The following RCBTB2 variants were observed in gnomAD, a reference collection of about 807,000 sequenced individuals.
RCBTB2 encodes the protein RCC1 and BTB domain-containing protein 2.
A neutral mutation model predicts 65.4 loss-of-function variants in RCBTB2; 55 were observed. That is an observed-to-expected ratio of 0.84 (90% confidence interval 0.68 to 1.05). RCBTB2 has a LOEUF of 1.05. Among genes scored for constraint, RCBTB2 ranks in the 50% least tolerant of loss-of-function variants. The pLI, the probability that RCBTB2 is intolerant of heterozygous loss-of-function variation, is 0.00. For synonymous variants in RCBTB2, 220 were observed against 255.2 expected (o/e 0.86, Z 1.31); for missense variants, 599 against 680.1 (o/e 0.88, Z 1.33).
chr13:48,503,451 C>T (rs1250505504), intron 10 of RCBTB2, among the ~76,000 whole-genome samples: 1 of 151,938 alleles, frequency 6.6e-6, no homozygotes, highest in Non-Finnish European at 1.5e-5. Flanking sequence ...GGCTGTATGA[C>T]CTGGAGCCCA....
Position 48,501,592 on chromosome 13 carries a change from A to G in RCBTB2, c.1244+150T>C, listed in dbSNP as rs9332047. On this transcript the variant is annotated intron_variant, in intron 12 of 14. Transcript: ENST00000344532. ...ACCTGTGTTATTTCTTGTTTCATGT[A>G]TATTTCTCCCCGCTCCACTGTATGC... 2,157 of 624,660 alleles carry G rather than the reference A, an allele frequency of 3.5e-3. 31 individuals are homozygous for G. The African/African-American group carries it at 0.036, about 11-fold the overall frequency. 38.7% of individuals were successfully genotyped at this position (624,660 alleles called of 1,614,324 possible). A position where few individuals can be genotyped will look rare whatever the true frequency, so the allele number is the denominator to read the frequency against.
At chr13:48,535,255 C>CTTTT (rs563743014), upstream of RCBTB2, among the ~76,000 whole-genome samples, 1 of 136,306 alleles carries the variant, frequency 7.3e-6, no homozygotes, top group East Asian at 2.1e-4. Context: ...TATTCATCCT[C>CTTTT]TTTTTTTTTT....
At position 48,512,880 on chromosome 13, in the gene RCBTB2, G is replaced by A; in HGVS notation, c.365C>T (p.Thr122Ile). Residue 122 changes from threonine to isoleucine, a missense_variant, in exon 7 of 15, where the codon ACC (threonine) becomes ATC (isoleucine). Physicochemically the swap from Thr to Ile is moderately conservative, Grantham distance 89. Transcript: ENST00000344532. The stretch of plus-strand genomic sequence containing the variant: ...CTGGCTATAAGCATTATGACCCCAG[G>A]TAAAGACTTCTCCTTCTGAAAATAA... ...VLATTEGEVF[T>I]WGHNAYSQLG... 1.2e-6 allele frequency: 2 copies of A among 1,608,524 alleles called. No homozygotes were observed. The highest frequency in any genetic ancestry group is 4.5e-5 in the East Asian group (2 of 44,832).
intron 4 of RCBTB2, among the ~76,000 whole-genome samples, chr13:48,519,839 G>T (rs779053097): frequency 1.4e-4 from 21 of 152,150 alleles, no homozygotes; most frequent in Non-Finnish European, 2.5e-4. Flanking sequence ...ATAGGGAACT[G>T]ATGACTAAAT....
chr13:48,535,394 G>A (rs1191308512), upstream of RCBTB2, among the ~76,000 whole-genome samples: 1 of 151,794 alleles, frequency 6.6e-6, no homozygotes, highest in Non-Finnish European at 1.5e-5. Context: ...TAGTTGGAAC[G>A]GCAGGTGTGT....
chr13:48,533,499 C>G (rs1952296787), upstream of RCBTB2, among the ~76,000 whole-genome samples: 1 of 152,250 alleles, frequency 6.6e-6, no homozygotes. Context: ...TCTTCTATTG[C>G]TGGCCCCTCT....
intron 1 of RCBTB2, among the ~76,000 whole-genome samples, chr13:48,528,232 G>A (rs1227990606): frequency 6.6e-6 from 1 of 152,098 alleles, no homozygotes; most frequent in Non-Finnish European, 1.5e-5. Flanking sequence ...CTGACATTTT[G>A]CAGTTAATCA....
At chr13:48,528,147 G>A (rs980325830) in intron 1 of RCBTB2, among the ~76,000 whole-genome samples, 4 of 152,120 alleles carry the variant, frequency 2.6e-5, no homozygotes, top group Non-Finnish European at 4.4e-5. Context: ...ACAGAATAAC[G>A]TAGAGCAAAA....
chr13:48,494,628 A>T (rs1422665453), intron 14 of RCBTB2, among the ~76,000 whole-genome samples: 1 of 152,118 alleles, frequency 6.6e-6, no homozygotes, highest in African/African-American at 2.4e-5. Context: ...TAGAGAATAT[A>T]AAAAAGTATT....
chr13:48,506,228 G>A (rs751334), intron 10 of RCBTB2, among the ~76,000 whole-genome samples: 3,108 of 152,294 alleles, frequency 0.02, 115 homozygotes, highest in African/African-American at 0.071. Context: ...TGACAGGGAC[G>A]GAGGCCAACG....
intron 10 of RCBTB2, among the ~76,000 whole-genome samples, chr13:48,507,997 C>T (rs1043856671): frequency 1.2e-4 from 18 of 152,312 alleles, no homozygotes; most frequent in African/African-American, 4.3e-4. Flanking sequence ...AAATCTTTTT[C>T]TGGGAAAGAT....
At chr13:48,515,087 T>A in intron 6 of RCBTB2, 118 bp downstream of exon 6, 1 of 911,046 alleles carries the variant, frequency 1.1e-6, no homozygotes. Flanking sequence ...TCATGTTTTA[T>A]GGTATCCAAA....
chr13:48,531,536 T>TG (rs1427156000), intron 1 of RCBTB2, among the ~76,000 whole-genome samples: 1 of 151,540 alleles, frequency 6.6e-6, no homozygotes, highest in East Asian at 1.9e-4. Context: ...TTGCGAAGAG[T>TG]GGGAAAGTGA....
At chr13:48,528,798 A>G (rs12585384) in intron 1 of RCBTB2, among the ~76,000 whole-genome samples, 4,135 of 152,290 alleles carry the variant, frequency 0.027, 170 homozygotes, top group African/African-American at 0.09. Context: ...GTAACAGTAA[A>G]ATACCTACAT....
intron 1 of RCBTB2, chr13:48,532,701 C>A: frequency 3.7e-6 from 1 of 269,918 alleles, no homozygotes; most frequent in Non-Finnish European, 7.3e-6. Context: ...GGGCCGGCGG[C>A]CTGGGCAGGA....
intron 12 of RCBTB2, 108 bp downstream of exon 12, chr13:48,501,634 A>G: frequency 1.2e-6 from 1 of 858,008 alleles, no homozygotes; most frequent in Admixed American, 2.4e-5. Flanking sequence ...GAGCAAAAAC[A>G]GCCTTACAAT....
intron 10 of RCBTB2, 91 bp downstream of exon 10, chr13:48,510,538 G>C: frequency 7.2e-7 from 1 of 1,388,950 alleles, no homozygotes; most frequent in Non-Finnish European, 1.0e-6. Flanking sequence ...AACACTAGCA[G>C]TACATTCCCC....
In RCBTB2 at chr13:48,489,955, G is replaced by A. The variant is rs1949628329; in HGVS notation, c.*156C>T. ...CTTTCTACATAAACTCTGGGTTTAGGCAGACAAAGACCACTCACCACCATC... is the reference window on the plus strand; with the variant it reads ...CTTTCTACATAAACTCTGGGTTTAGACAGACAAAGACCACTCACCACCATC... On this transcript the variant is annotated 3_prime_UTR_variant, in exon 15 of 15. Transcript: ENST00000344532. 2 of 776,816 alleles carry A rather than the reference G, an allele frequency of 2.6e-6. No individual in the cohort carries two copies. The highest frequency in any genetic ancestry group is 3.5e-5 in the African/African-American group (2 of 56,600). The allele number at this position is 776,816 out of a possible 1,614,324, so 48.1% of individuals were successfully genotyped here.
chr13:48,519,018 AC>A (rs761932042), intron 4 of RCBTB2, among the ~76,000 whole-genome samples: 3 of 152,098 alleles, frequency 2.0e-5, no homozygotes, highest in Non-Finnish European at 2.9e-5. Flanking sequence ...GATCTTCACA[AC>A]AATTGTAGGA....
Sources: gnomAD v4.1 joint callset for allele counts (sites outside exome capture counted in the v4.1 genomes callset) on GRCh38, gnomAD v4.1.1 for gene constraint, MANE v1.5 for transcripts, NCBI Gene and HGNC (gene_info 2026-07-23, HGNC 2026-07-21) for gene names.